Variants in MRC2 observed in about 807,000 individuals in gnomAD.
The protein encoded by MRC2 is mannose receptor C-type 2.
MRC2 carries 84 observed loss-of-function variants against 206.2 expected under a neutral mutation model. The ratio of observed to expected loss-of-function variants is 0.41; its 90% confidence interval spans 0.34 to 0.49. MRC2 has a LOEUF of 0.49. Ranked by LOEUF, MRC2 falls within the 20% of genes least tolerant of loss-of-function variation. The pLI is 0.31. For synonymous variants in MRC2, 798 were observed against 800.0 expected, an observed-to-expected ratio of 1.00 and a Z score of 0.04; for missense variants, 1,676 against 2,001.5, an observed-to-expected ratio of 0.84 and a Z score of 3.10.
chr17:62,690,092 T>C lies in MRC2; in HGVS notation c.3742+30T>C, dbSNP rs1212665295. 4.4e-6 allele frequency: 7 copies of C among 1,582,836 alleles called. No individual in the cohort carries two copies. In the East Asian group the frequency reaches 6.7e-5, roughly 15 times the overall value. On this transcript the variant is annotated intron_variant, in intron 25 of 29. Transcript: ENST00000303375. Reference sequence around the variant, plus strand: ...GTGCCCACCTGCCAGGGCGGGGGCATGGGCAAGCTGTCGGTGGCCCCGGGG... The same window carrying C: ...GTGCCCACCTGCCAGGGCGGGGGCACGGGCAAGCTGTCGGTGGCCCCGGGG...
At chr17:62,691,863 A>G (rs565825811) in intron 28 of MRC2, among the ~76,000 whole-genome samples, 203 of 151,032 alleles carry the variant, frequency 1.3e-3, no homozygotes, top group African/African-American at 4.6e-3. Context: ...GCTGACACCC[A>G]GGCCTCCCAC....
In MRC2 at chr17:62,690,307, T is replaced by C. The variant is rs745681368; in HGVS notation, c.3892+2T>C. 4 of 1,608,224 alleles carry C rather than the reference T, an allele frequency of 2.5e-6. No individual in the cohort carries two copies. The Admixed American group carries it at 6.7e-5, about 27-fold the overall frequency. ...AGGCGCGACAGCGCTGCCAGAGAGG[T>C]GGGTGACCAGGCCAGAGCCCACACA... On this transcript the variant is annotated splice_donor_variant, in intron 26 of 29. Coordinates refer to ENST00000303375, the MANE Select transcript of MRC2 (RefSeq NM_006039.5). LOFTEE classifies it high-confidence loss of function.
chr17:62,692,616 A>C lies in MRC2; in HGVS notation c.*165A>C, dbSNP rs1221452582. 1.4e-6 allele frequency: 1 copy of C among 689,660 alleles called. No individual in the cohort carries two copies. Among genetic ancestry groups the C allele is most frequent in the East Asian group, 2.8e-5 (1 of 35,980 alleles). The allele number at this position is 689,660 out of a possible 1,614,324, so 42.7% of individuals were successfully genotyped here. A position where few individuals can be genotyped will look rare whatever the true frequency, so the allele number is the denominator to read the frequency against. Reference sequence around the variant, plus strand: ...GCAGAGCCTGGGCTGGTGGGGTGCCACCCTCCCACAAGGGCTGGGCTGAGA... The same window carrying C: ...GCAGAGCCTGGGCTGGTGGGGTGCCCCCCTCCCACAAGGGCTGGGCTGAGA... On this transcript the variant is annotated 3_prime_UTR_variant, in exon 30 of 30. Coordinates refer to ENST00000303375, the MANE Select transcript of MRC2 (RefSeq NM_006039.5). The surrounding 1 kb of genome is among the most constrained non-coding windows in gnomAD (Gnocchi z 4.2).
intron 1 of MRC2, among the ~76,000 whole-genome samples, chr17:62,662,476 T>G (rs1490406675): frequency 6.6e-6 from 1 of 152,214 alleles, no homozygotes; most frequent in Non-Finnish European, 1.5e-5. Flanking sequence ...ATTTATAGTC[T>G]TCTTACTGTG....
intron 1 of MRC2, among the ~76,000 whole-genome samples, chr17:62,655,189 G>A (rs2088602267): frequency 6.6e-6 from 1 of 151,212 alleles, no homozygotes; most frequent in African/African-American, 2.4e-5. Flanking sequence ...GGGAGGCTGA[G>A]GCAGGAGAAT....
In MRC2 at chr17:62,671,610, G is replaced by A. The variant is rs922531544; in HGVS notation, c.1118-39G>A. On this transcript the variant is annotated intron_variant, in intron 6 of 29. Transcript: ENST00000303375. The surrounding 1 kb of genome is among the most constrained non-coding windows in gnomAD (Gnocchi z 4.5). ...CAGTGGGTTGGTTCCCAGACTGGGCGGCTCAGTCCCTGAGCAGCAGCCTCA... is the reference window on the plus strand; with the variant it reads ...CAGTGGGTTGGTTCCCAGACTGGGCAGCTCAGTCCCTGAGCAGCAGCCTCA... 7.9e-6 allele frequency: 12 copies of A among 1,513,276 alleles called. No homozygotes were observed. The highest frequency in any genetic ancestry group is 6.9e-5 in the African/African-American group (5 of 72,032). 93.7% of individuals were successfully genotyped at this position (1,513,276 alleles called of 1,614,324 possible). A position where few individuals can be genotyped will look rare whatever the true frequency, so the allele number is the denominator to read the frequency against.
In MRC2 at chr17:62,680,572, G is replaced by T; in HGVS notation, c.2473+119G>T. 6.9e-7 allele frequency: 1 copy of T among 1,457,112 alleles called. No homozygotes were observed. The highest frequency in any genetic ancestry group is 9.4e-7 in the Non-Finnish European group (1 of 1,059,850). The allele number at this position is 1,457,112 out of a possible 1,614,324, so 90.3% of individuals were successfully genotyped here. On this transcript the variant is annotated intron_variant, in intron 16 of 29. Coordinates refer to ENST00000303375, the MANE Select transcript of MRC2 (RefSeq NM_006039.5). The surrounding 1 kb of genome is among the most constrained non-coding windows in gnomAD (Gnocchi z 4.8). ...ATGAGGAGTTCCGGTCGAGAGAAGG[G>T]GGACGGGGTTGGCTCGGACGGAGGC...
chr17:62,633,014 G>T (rs2088265301), intron 1 of MRC2, among the ~76,000 whole-genome samples: 1 of 152,084 alleles, frequency 6.6e-6, no homozygotes, highest in Non-Finnish European at 1.5e-5. Flanking sequence ...AGGATTGATG[G>T]CACTCACCAG....
In MRC2 at chr17:62,666,654, G is replaced by C. The variant is rs2088759336; in HGVS notation, c.859+35G>C. On this transcript the variant is annotated intron_variant, in intron 4 of 29. Transcript: ENST00000303375. The surrounding 1 kb of genome is among the most constrained non-coding windows in gnomAD (Gnocchi z 5.0). ...GGCCTGATGCCTGCTCGTGCCTCTGGAGGGCCCGGGCCCTTTCCGCTTGTG... is the reference window on the plus strand; with the variant it reads ...GGCCTGATGCCTGCTCGTGCCTCTGCAGGGCCCGGGCCCTTTCCGCTTGTG... 6.5e-7 allele frequency: 1 copy of C among 1,546,902 alleles called. No homozygotes were observed.
intron 1 of MRC2, among the ~76,000 whole-genome samples, chr17:62,634,419 G>A (rs923012867): frequency 5.3e-5 from 8 of 151,998 alleles, no homozygotes; most frequent in African/African-American, 1.5e-4. Flanking sequence ...TCCTGCCTCA[G>A]CCTCCCAAGT....
rs2089091527 is a variant in MRC2, at chr17:62,690,324, G to A, written c.3892+19G>A. 1 of 1,592,894 alleles carries A rather than the reference G, an allele frequency of 6.3e-7. No individual in the cohort carries two copies. Among genetic ancestry groups the A allele is most frequent in the East Asian group, 2.2e-5 (1 of 44,482 alleles). ...CAGAGAGGTGGGTGACCAGGCCAGA[G>A]CCCACACATGGCGGGCAGGTGGCAC... On this transcript the variant is annotated intron_variant, in intron 26 of 29. Transcript: ENST00000303375.
Position 62,692,180 on chromosome 17 carries a change from A to AGTTAATAATAG in MRC2, c.4219+42_4219+43insGTTAATAATAG. ...GCCCCCAGGTGGGCAGGCAGGAAGC[A>AGTTAATAATAG]CTGCTGGGCCTAACGCCCACTTGGC... On this transcript the variant is annotated intron_variant, in intron 29 of 29. Coordinates refer to ENST00000303375, the MANE Select transcript of MRC2 (RefSeq NM_006039.5). The surrounding 1 kb of genome is among the most constrained non-coding windows in gnomAD (Gnocchi z 4.2). 2 of 1,614,052 alleles carry AGTTAATAATAG rather than the reference A, an allele frequency of 1.2e-6. No individual in the cohort carries two copies. Among genetic ancestry groups the AGTTAATAATAG allele is most frequent in the Non-Finnish European group, 1.7e-6 (2 of 1,180,014 alleles).
chr17:62,653,737 T>C (rs1598975720), intron 1 of MRC2, among the ~76,000 whole-genome samples: 1 of 151,530 alleles, frequency 6.6e-6, no homozygotes, highest in Non-Finnish European at 1.5e-5. Flanking sequence ...GGAGGGGCTG[T>C]TGGGGAGGAG....
intron 8 of MRC2, among the ~76,000 whole-genome samples, chr17:62,673,214 G>A (rs953391229): frequency 6.6e-6 from 1 of 152,112 alleles, no homozygotes; most frequent in Admixed American, 6.6e-5. Context: ...ACACAAACAC[G>A]CCTGCCCTCA....
At position 62,675,639 on chromosome 17, in the gene MRC2, G is replaced by A. The variant is rs1036591428; in HGVS notation, c.1570-151G>A. On this transcript the variant is annotated intron_variant, in intron 9 of 29. Coordinates refer to ENST00000303375, the MANE Select transcript of MRC2 (RefSeq NM_006039.5). This position sits in a 1 kb window ranked among gnomAD's most constrained non-coding sequence, Gnocchi z 4.1. ...GAGGGGGAATGTGGAGAAACGAGGTGCAGAACACAGCCCAGTACTCAAACC... is the reference window on the plus strand; with the variant it reads ...GAGGGGGAATGTGGAGAAACGAGGTACAGAACACAGCCCAGTACTCAAACC... 8 of 612,510 alleles carry A rather than the reference G, an allele frequency of 1.3e-5. No homozygotes were observed. The highest frequency in any genetic ancestry group is 1.1e-4 in the African/African-American group (6 of 54,840). The allele number at this position is 612,510 out of a possible 1,614,324, so 37.9% of individuals were successfully genotyped here.
intron 20 of MRC2, among the ~76,000 whole-genome samples, chr17:62,682,853 G>T (rs1165007115): frequency 6.6e-6 from 1 of 151,962 alleles, no homozygotes; most frequent in African/African-American, 2.4e-5. Context: ...TGTTGGCCAG[G>T]CTAGTCTCGA....
At chr17:62,665,411 C>G (rs1295728305) in intron 2 of MRC2, among the ~76,000 whole-genome samples, 2 of 110,612 alleles carry the variant, frequency 1.8e-5, no homozygotes, top group East Asian at 5.2e-4. Flanking sequence ...TCCCCCCCCC[C>G]ACAAAAAAAA....
At chr17:62,682,801 C>G (rs964194659) in intron 20 of MRC2, among the ~76,000 whole-genome samples, 1 of 152,016 alleles carries the variant, frequency 6.6e-6, no homozygotes, top group Non-Finnish European at 1.5e-5. Context: ...GCCACCACCC[C>G]TGGCTAATTT....
At chr17:62,687,370 G>C (rs986608052) in intron 20 of MRC2, among the ~76,000 whole-genome samples, 14 of 152,296 alleles carry the variant, frequency 9.2e-5, no homozygotes, top group Middle Eastern at 3.4e-3. Context: ...ATGTTGGTCA[G>C]GCTGGTCTCG....
Sources: gnomAD v4.1 joint callset for allele counts (sites outside exome capture counted in the v4.1 genomes callset) on GRCh38, gnomAD v4.1.1 for gene constraint, Gnocchi (gnomAD v3.1) non-coding constraint, MANE v1.5 for transcripts, NCBI Gene and HGNC (gene_info 2026-07-23, HGNC 2026-07-21) for gene names.